COL4A2: variants seen among roughly 807,000 people sequenced by gnomAD.
COL4A2 encodes the protein collagen type IV alpha 2 chain, also known as collagen alpha-2(IV) chain.
A neutral mutation model predicts 200.2 loss-of-function variants in COL4A2; 99 were observed. The ratio of observed to expected loss-of-function variants is 0.49; its 90% CI spans 0.42 to 0.58. COL4A2 has a LOEUF of 0.58. Ranked by LOEUF, COL4A2 falls within the 20% of genes least tolerant of loss-of-function variation. The pLI, the probability that COL4A2 is intolerant of heterozygous loss-of-function variation, is 0.00. For missense variants in COL4A2, 1,950 were observed against 2,314.1 expected, an observed-to-expected ratio of 0.84 and a Z score of 3.23; for synonymous variants, 897 against 900.6, an observed-to-expected ratio of 1.00 and a Z score of 0.07.
intron 4 of COL4A2, among the ~76,000 whole-genome samples, chr13:110,411,242 TAAACCC>T (rs1879821602): frequency 6.6e-6 from 1 of 152,204 alleles, no homozygotes; most frequent in Non-Finnish European, 1.5e-5. Flanking sequence ...AAGGTCCAGC[TAAACCC>T]TGCTTCAGAA....
At chr13:110,474,680 CA>C (rs1882615070) in intron 29 of COL4A2, among the ~76,000 whole-genome samples, 2 of 145,378 alleles carry the variant, frequency 1.4e-5, no homozygotes, top group Non-Finnish European at 3.0e-5. Context: ...ACTCCTTACA[CA>C]CGTACCCACA....
At chr13:110,321,165 TTA>T (rs542950982) in intron 3 of COL4A2, among the ~76,000 whole-genome samples, 161 of 150,448 alleles carry the variant, frequency 1.1e-3, no homozygotes, top group African/African-American at 3.9e-3. Context: ...ATGTGCGTAT[TTA>T]TATAGTGTGC....
chr13:110,381,308 G>A (rs924939483), intron 4 of COL4A2, among the ~76,000 whole-genome samples: 7 of 151,864 alleles, frequency 4.6e-5, no homozygotes, highest in Admixed American at 6.6e-5. Context: ...CACACCCACC[G>A]GCTCTATCTC....
intron 3 of COL4A2, among the ~76,000 whole-genome samples, chr13:110,340,728 G>C (rs2139371148): frequency 6.6e-6 from 1 of 152,290 alleles, no homozygotes; most frequent in East Asian, 1.9e-4. Flanking sequence ...AGAGTCTTTA[G>C]GGTCTCGAGC....
chr13:110,379,796 A>G (rs1414554067), intron 4 of COL4A2, among the ~76,000 whole-genome samples: 1 of 152,166 alleles, frequency 6.6e-6, no homozygotes, highest in East Asian at 1.9e-4. Flanking sequence ...CACCCCTAAC[A>G]CATGAGAGCC....
At chr13:110,338,343 A>G (rs1876294908) in intron 3 of COL4A2, among the ~76,000 whole-genome samples, 1 of 151,470 alleles carries the variant, frequency 6.6e-6, no homozygotes, top group African/African-American at 2.4e-5. Context: ...GGAGAGAGAG[A>G]GAGAAAGAGA....
intron 4 of COL4A2, among the ~76,000 whole-genome samples, chr13:110,413,223 G>A (rs1879913278): frequency 6.6e-6 from 1 of 152,212 alleles, no homozygotes; most frequent in Non-Finnish European, 1.5e-5. Flanking sequence ...TCGGAGCCAG[G>A]CAGAGGGGGT....
intron 4 of COL4A2, among the ~76,000 whole-genome samples, chr13:110,410,362 T>G (rs1457441448): frequency 6.6e-6 from 1 of 152,218 alleles, no homozygotes; most frequent in African/African-American, 2.4e-5. Flanking sequence ...TACCTTAAGT[T>G]GCTGCTAACA....
At chr13:110,423,961 T>C (rs1400363893) in intron 4 of COL4A2, among the ~76,000 whole-genome samples, 1 of 152,206 alleles carries the variant, frequency 6.6e-6, no homozygotes. Context: ...GTTGGACACT[T>C]GAGTGGTTTC....
intron 16 of COL4A2, among the ~76,000 whole-genome samples, chr13:110,443,566 GA>G (rs1313102502): frequency 6.6e-6 from 1 of 152,216 alleles, no homozygotes; most frequent in Admixed American, 6.5e-5. Context: ...GAATTCAAAT[GA>G]GTGATAAGTT....
chr13:110,436,445 A>G (rs1187532110), intron 13 of COL4A2, 78 bp downstream of exon 13: 3 of 1,514,044 alleles, frequency 2.0e-6, no homozygotes, highest in East Asian at 2.4e-5. Flanking sequence ...ATTGTATTCA[A>G]CCACATTCCA....
chr13:110,387,733 T>C (rs1234173206), intron 4 of COL4A2, among the ~76,000 whole-genome samples: 1 of 152,162 alleles, frequency 6.6e-6, no homozygotes, highest in African/African-American at 2.4e-5. Flanking sequence ...TAGGCAGCCT[T>C]GGGAGTGACA....
chr13:110,340,819 G>T (rs998849138), intron 3 of COL4A2: 3 of 152,246 alleles, frequency 2.0e-5, no homozygotes, highest in Non-Finnish European at 4.4e-5. Flanking sequence ...ATGTGTGAGT[G>T]TGACCCTTGG....
intron 4 of COL4A2, among the ~76,000 whole-genome samples, chr13:110,379,949 C>A (rs114612874): frequency 0.014 from 2,141 of 152,258 alleles, 44 homozygotes; most frequent in African/African-American, 0.047. Flanking sequence ...CTTCTCCAGC[C>A]CCTCTGTGTC....
intron 4 of COL4A2, among the ~76,000 whole-genome samples, chr13:110,381,935 A>C (rs1878509492): frequency 6.6e-6 from 1 of 152,076 alleles, no homozygotes. Flanking sequence ...TTTTCTCTAG[A>C]AGCTTGATGC....
chr13:110,438,051 T>G lies in COL4A2; in HGVS notation c.861+14T>G, dbSNP rs777163758. The G allele has an allele frequency of 6.2e-7, 1 of 1,611,766 alleles. No homozygotes were observed. Among genetic ancestry groups the G allele is most frequent in the Non-Finnish European group, 8.5e-7 (1 of 1,178,158 alleles). On this transcript the variant is annotated intron_variant, in intron 14 of 47. Coordinates refer to ENST00000360467, the MANE Select transcript of COL4A2 (RefSeq NM_001846.4). ...CCAGGAATAAGAGTAAGTCGAGTAATGAGCATGCCCCCTCCCCTGTGGCTC... is the reference window on the plus strand; with the variant it reads ...CCAGGAATAAGAGTAAGTCGAGTAAGGAGCATGCCCCCTCCCCTGTGGCTC...
intron 3 of COL4A2, among the ~76,000 whole-genome samples, chr13:110,335,115 C>T (rs1876117178): frequency 6.6e-6 from 1 of 152,086 alleles, no homozygotes; most frequent in South Asian, 2.1e-4. Flanking sequence ...TCTCCTTGGC[C>T]CTCTGGGCTC....
Position 110,395,899 on chromosome 13 carries a change from C to T in COL4A2, c.181-28835C>T, listed in dbSNP as rs146567887. ...GGCGGAGGTTGCAGTGAGCCAAGAT[C>T]GCGCCACAGCACTTTAGTCTGGGCA... On this transcript the variant is annotated intron_variant, in intron 4 of 47. Coordinates refer to ENST00000360467, the MANE Select transcript of COL4A2 (RefSeq NM_001846.4). Among the ~76,000 whole-genome samples, 459 of 152,270 alleles carry T rather than the reference C, an allele frequency of 3.0e-3. 1 individual carries two copies. Among genetic ancestry groups the T allele is most frequent in the African/African-American group, 0.011 (438 of 41,540 alleles).
intron 46 of COL4A2, 137 bp from the exon 47 acceptor site, chr13:110,507,798 C>A: frequency 1.2e-6 from 1 of 807,660 alleles, no homozygotes; most frequent in Non-Finnish European, 2.0e-6. Context: ...CTTAGCCTGG[C>A]CCTCCAGTAG....
Sources: gnomAD v4.1 joint callset for allele counts (sites outside exome capture counted in the v4.1 genomes callset) on GRCh38, gnomAD v4.1.1 for gene constraint, MANE v1.5 for transcripts, NCBI Gene and HGNC (gene_info 2026-07-23, HGNC 2026-07-21) for gene names.